ERC1: variants seen among roughly 807,000 people sequenced by gnomAD.
ERC1 encodes the protein RAB6 interacting protein 2.
A neutral mutation model predicts 132.0 loss-of-function variants in ERC1; 56 were observed. The ratio of observed to expected loss-of-function variants is 0.42; its 90% CI spans 0.34 to 0.53. The LOEUF (loss-of-function observed/expected upper bound fraction) is 0.53, where lower values mean the gene tolerates loss of function less well. Among genes scored for constraint, ERC1 ranks in the 20% least tolerant of loss-of-function variants. ERC1 has a pLI of 0.03. For synonymous variants in ERC1, 478 were observed against 476.1 expected (o/e 1.00, Z -0.05); for missense variants, 1,202 against 1,349.9 (o/e 0.89, Z 1.72).
At chr12:1,424,854 A>ATAGCTAGCTAGC (rs1565411365) in intron 17 of ERC1, among the ~76,000 whole-genome samples, 32 of 125,238 alleles carry the variant, frequency 2.6e-4, no homozygotes, top group African/African-American at 1.2e-3. Context: ...TGATAGATAG[A>ATAGCTAGCTAGC]TAGATAGATC....
chr12:1,000,866 A>C (rs1416177257), intron 1 of ERC1, among the ~76,000 whole-genome samples: 4 of 152,196 alleles, frequency 2.6e-5, no homozygotes, highest in Admixed American at 2.6e-4. Flanking sequence ...CTTTTGAAGG[A>C]ATTCTTTCTT....
chr12:1,385,876 C>G (rs1440626001), intron 16 of ERC1: 1 of 151,986 alleles, frequency 6.6e-6, no homozygotes, highest in African/African-American at 2.4e-5. Flanking sequence ...ACTTTTGTGT[C>G]GTCTAGTAAG....
At chr12:1,425,754 A>G (rs950413667) in intron 17 of ERC1, among the ~76,000 whole-genome samples, 1 of 152,204 alleles carries the variant, frequency 6.6e-6, no homozygotes, top group Non-Finnish European at 1.5e-5. Context: ...GCACAGAGCT[A>G]TTAAATTCCT....
intron 18 of ERC1, chr12:1,480,804 T>C: frequency 1.4e-6 from 1 of 702,282 alleles, no homozygotes; most frequent in East Asian, 2.7e-5. Flanking sequence ...TAGGGGAAGT[T>C]TCAGACACTA....
At chr12:1,217,179 T>C (rs1270002458) in intron 12 of ERC1, among the ~76,000 whole-genome samples, 1 of 152,198 alleles carries the variant, frequency 6.6e-6, no homozygotes, top group Non-Finnish European at 1.5e-5. Context: ...ATATATTTAT[T>C]CTGTCATAGA....
chr12:1,196,941 C>T (rs1338696340), intron 12 of ERC1, among the ~76,000 whole-genome samples: 4 of 42,418 alleles, frequency 9.4e-5, no homozygotes, highest in African/African-American at 5.3e-4. Flanking sequence ...CACACACACA[C>T]ACACACACAC....
intron 12 of ERC1, among the ~76,000 whole-genome samples, chr12:1,197,721 G>A (rs1956469584): frequency 6.6e-6 from 1 of 152,148 alleles, no homozygotes; most frequent in Non-Finnish European, 1.5e-5. Context: ...GCTAGCATTG[G>A]CGTTTATCTA....
intron 8 of ERC1, among the ~76,000 whole-genome samples, chr12:1,163,095 T>G (rs1466299134): frequency 6.6e-6 from 1 of 152,204 alleles, no homozygotes; most frequent in Non-Finnish European, 1.5e-5. Context: ...ATACAACTTT[T>G]TTTCCCCTCC....
chr12:1,405,008 T>C (rs2091361579), intron 16 of ERC1, among the ~76,000 whole-genome samples: 1 of 150,948 alleles, frequency 6.6e-6, no homozygotes, highest in Admixed American at 6.6e-5. Context: ...AGCGTGGTGG[T>C]GTGTGCCTCT....
chr12:1,013,284 T>C (rs7966170), intron 1 of ERC1, among the ~76,000 whole-genome samples: 13,575 of 152,126 alleles, frequency 0.089, 919 homozygotes, highest in African/African-American at 0.19. Flanking sequence ...AGAACAACTA[T>C]GATTAACAAC....
chr12:1,014,014 C>G (rs1965115341), intron 1 of ERC1, among the ~76,000 whole-genome samples: 1 of 137,014 alleles, frequency 7.3e-6, no homozygotes, highest in Non-Finnish European at 1.6e-5. Flanking sequence ...AAGCCATGTG[C>G]CTGGTGATTT....
At chr12:1,092,933 C>T (rs886713983) in intron 3 of ERC1, among the ~76,000 whole-genome samples, 2 of 152,150 alleles carry the variant, frequency 1.3e-5, no homozygotes, top group African/African-American at 4.8e-5. Context: ...TGCACTCCAG[C>T]GTGCAGAGTG....
chr12:1,047,898 T>G (rs1971330760), intron 2 of ERC1, among the ~76,000 whole-genome samples: 1 of 152,134 alleles, frequency 6.6e-6, no homozygotes, highest in Admixed American at 6.5e-5. Flanking sequence ...TTTACCTTAT[T>G]CAAGGTGATG....
intron 12 of ERC1, among the ~76,000 whole-genome samples, chr12:1,214,523 C>T (rs1958186992): frequency 6.6e-6 from 1 of 152,142 alleles, no homozygotes; most frequent in African/African-American, 2.4e-5. Context: ...CTCCTTCCCT[C>T]CACTCCCCGC....
intron 2 of ERC1, among the ~76,000 whole-genome samples, chr12:1,057,425 C>T (rs1973172442): frequency 1.3e-5 from 2 of 151,930 alleles, no homozygotes; most frequent in Non-Finnish European, 2.9e-5. Context: ...TGCGCCCAGC[C>T]TGTATATCTT....
intron 12 of ERC1, among the ~76,000 whole-genome samples, chr12:1,195,881 C>T (rs1307703756): frequency 7.0e-6 from 1 of 143,170 alleles, no homozygotes; most frequent in Non-Finnish European, 1.5e-5. Context: ...TTCCGCCCCC[C>T]CCCCCCTTTT....
chr12:1,341,063 C>CTTTTTCTTTTTTTTTTT (rs2083799684), intron 15 of ERC1, among the ~76,000 whole-genome samples: 2 of 45,160 alleles, frequency 4.4e-5, no homozygotes, highest in Non-Finnish European at 9.1e-5. Context: ...TTATTCTTTT[C>CTTTTTCTTTTTTTTTTT]TTTTTCTTTT....
chr12:1,011,287 C>T (rs1184142477), intron 1 of ERC1, among the ~76,000 whole-genome samples: 1 of 152,206 alleles, frequency 6.6e-6, no homozygotes, highest in African/African-American at 2.4e-5. Flanking sequence ...TCACAGCAGC[C>T]TTGACCTTTT....
rs71055145 is a variant in ERC1, at chr12:1,356,213, A to AGTGTGT, written c.2781-15591_2781-15586dup. On this transcript the variant is annotated intron_variant, in intron 15 of 18. Coordinates refer to ENST00000360905, the MANE Select transcript of ERC1 (RefSeq NM_178040.4). Reference sequence around the variant, plus strand: ...AGTGAGACTGTCAAAAAAAAAAAAAAGTGTGTGTGTGTGTGTGTGTGTGTG... The same window carrying AGTGTGT: ...AGTGAGACTGTCAAAAAAAAAAAAAAGTGTGTGTGTGTGTGTGTGTGTGTGTGTGTG... Among the ~76,000 whole-genome samples, 673 of 129,982 alleles carry AGTGTGT rather than the reference A, an allele frequency of 5.2e-3. 5 individuals carry two copies. The highest frequency in any genetic ancestry group is 0.014 in the Admixed American group (185 of 13,298). 85.3% of individuals were successfully genotyped at this position (129,982 alleles called of 152,430 possible). A position where few individuals can be genotyped will look rare whatever the true frequency, so the allele number is the denominator to read the frequency against.
Sources: allele counts gnomAD v4.1 joint callset (sites outside exome capture counted in the v4.1 genomes callset), GRCh38; gene constraint gnomAD v4.1.1; transcripts MANE v1.5; gene names NCBI Gene and HGNC (gene_info 2026-07-23, HGNC 2026-07-21).